The following NRXN3 variants were observed in gnomAD, a reference collection of about 807,000 sequenced individuals.
NRXN3 encodes the protein neurexin 3.
Under a neutral mutation model 137.6 loss-of-function variants are expected in NRXN3, and 32 were observed. The observed-to-expected ratio is 0.23, with a 90% CI of 0.18 to 0.31. The LOEUF is 0.31. Ranked by LOEUF, NRXN3 falls within the 10% of genes least tolerant of loss-of-function variation. The pLI is 1.00. For synonymous variants in NRXN3, 798 were observed against 784.5 expected (o/e 1.02, Z -0.29); for missense variants, 1,574 against 2,062.5 (o/e 0.76, Z 4.59).
At chr14:78,307,635 A>T (rs2077504859) in intron 4 of NRXN3, among the ~76,000 whole-genome samples, 1 of 152,122 alleles carries the variant, frequency 6.6e-6, no homozygotes, top group African/African-American at 2.4e-5. Flanking sequence ...TAAGGCATTT[A>T]GTGGTAAGCA....
chr14:78,370,801 T>G (rs952374031), intron 4 of NRXN3, among the ~76,000 whole-genome samples: 11 of 152,224 alleles, frequency 7.2e-5, no homozygotes, highest in African/African-American at 2.7e-4. Flanking sequence ...AAGATTGAAC[T>G]TCACTGTAAG....
intron 10 of NRXN3, among the ~76,000 whole-genome samples, chr14:78,852,624 A>C (rs143602324): frequency 6.6e-6 from 1 of 152,106 alleles, no homozygotes; most frequent in Non-Finnish European, 1.5e-5. Flanking sequence ...CTTTGTTAGA[A>C]TTTCTGGTTA....
At chr14:78,281,191 C>T (rs1006979689) in intron 3 of NRXN3, among the ~76,000 whole-genome samples, 3 of 152,262 alleles carry the variant, frequency 2.0e-5, no homozygotes, top group Non-Finnish European at 2.9e-5. Context: ...TGAGCGTGCC[C>T]GGCCCTGGCT....
In NRXN3 at chr14:78,664,397, C is replaced by T. The variant is rs1017423428; in HGVS notation, c.1221+13071C>T. Among the ~76,000 whole-genome samples, 8 of 152,260 alleles carry T rather than the reference C, an allele frequency of 5.3e-5. No homozygotes were observed. The East Asian group carries it at 1.4e-3, about 26-fold the overall frequency. On this transcript the variant is annotated intron_variant, in intron 6 of 20. Coordinates refer to ENST00000335750, the MANE Select transcript of NRXN3 (RefSeq NM_001330195.2). ...TTCCCTCTCTTAATCTTCGATCTCC[C>T]ATTCTCCTCTGCTCCATCCCTTCAG...
At chr14:78,210,624 A>G (rs2062649323) in intron 1 of NRXN3, among the ~76,000 whole-genome samples, 1 of 151,728 alleles carries the variant, frequency 6.6e-6, no homozygotes, top group Non-Finnish European at 1.5e-5. Context: ...AAGATAGAGA[A>G]CATTTCCATC....
In NRXN3 at chr14:78,258,438, G is replaced by A. The variant is rs1031518833; in HGVS notation, c.709+14636G>A. Among the ~76,000 whole-genome samples the A allele has an allele frequency of 2.0e-5, 3 of 151,358 alleles. 1 individual carries two copies. Among genetic ancestry groups the A allele is most frequent in the Admixed American group, 2.0e-4 (3 of 15,162 alleles). On this transcript the variant is annotated intron_variant, in intron 2 of 20. Transcript: ENST00000335750. ...GGTGGGGGCAATGGTTGGCATTGGCGGGGGGAGGATGGGGGCTGCCACAAG... is the reference window on the plus strand; with the variant it reads ...GGTGGGGGCAATGGTTGGCATTGGCAGGGGGAGGATGGGGGCTGCCACAAG...
intron 4 of NRXN3, among the ~76,000 whole-genome samples, chr14:78,583,811 A>C (rs1000204699): frequency 1.3e-5 from 2 of 152,198 alleles, no homozygotes; most frequent in Non-Finnish European, 2.9e-5. Context: ...TCTCTAGGAC[A>C]GTATTTTCTG....
chr14:78,958,758 A>T (rs1397988239), intron 11 of NRXN3, among the ~76,000 whole-genome samples: 1 of 152,220 alleles, frequency 6.6e-6, no homozygotes, highest in African/African-American at 2.4e-5. Flanking sequence ...TTGGGGCAGC[A>T]TGGGGTATTA....
At chr14:79,385,972 C>T (rs1235563065) in intron 15 of NRXN3, among the ~76,000 whole-genome samples, 1 of 152,128 alleles carries the variant, frequency 6.6e-6, no homozygotes, top group Non-Finnish European at 1.5e-5. Context: ...TAAGAGCTAT[C>T]TATGGCAAAC....
intron 15 of NRXN3, among the ~76,000 whole-genome samples, chr14:79,307,313 A>G (rs2086260288): frequency 6.6e-6 from 1 of 152,154 alleles, no homozygotes; most frequent in African/African-American, 2.4e-5. Flanking sequence ...GGTTTTAACC[A>G]TCATATTCTA....
intron 15 of NRXN3, among the ~76,000 whole-genome samples, chr14:79,182,323 T>A (rs201685254): frequency 0.015 from 2 of 130 alleles, no homozygotes; most frequent in Non-Finnish European, 0.037. Context: ...ATACTGTAAT[T>A]ATATAATGAA....
chr14:79,762,903 G>C (rs931837565), intron 19 of NRXN3, among the ~76,000 whole-genome samples: 1 of 151,490 alleles, frequency 6.6e-6, no homozygotes, highest in African/African-American at 2.4e-5. Flanking sequence ...AGTCCTGGGG[G>C]ACATGTGCAG....
intron 10 of NRXN3, among the ~76,000 whole-genome samples, chr14:78,951,171 GT>G: frequency 6.6e-6 from 1 of 152,096 alleles, no homozygotes; most frequent in East Asian, 1.9e-4. Flanking sequence ...AATAGATCTT[GT>G]TTCCATTATT....
chr14:78,528,986 T>C (rs1201414376), intron 4 of NRXN3, among the ~76,000 whole-genome samples: 1 of 152,166 alleles, frequency 6.6e-6, no homozygotes, highest in African/African-American at 2.4e-5. Flanking sequence ...AGCCCCTTAT[T>C]TTTCACATGA....
At chr14:79,141,048 G>T (rs969065603) in intron 15 of NRXN3, among the ~76,000 whole-genome samples, 5 of 152,182 alleles carry the variant, frequency 3.3e-5, no homozygotes, top group African/African-American at 1.2e-4. Flanking sequence ...AGAAAAATTA[G>T]CAAACTGATA....
chr14:79,233,535 A>G (rs1308479554), intron 15 of NRXN3, among the ~76,000 whole-genome samples: 3 of 152,290 alleles, frequency 2.0e-5, no homozygotes, highest in South Asian at 4.1e-4. Flanking sequence ...CTAAGAGCCT[A>G]TAATGAACTC....
chr14:78,468,211 G>T (rs79339506), intron 4 of NRXN3, among the ~76,000 whole-genome samples: 2,293 of 152,222 alleles, frequency 0.015, 57 homozygotes, highest in African/African-American at 0.053. Flanking sequence ...CTATTGCTGT[G>T]TCATAAAGCA....
At chr14:79,070,016 G>A (rs12896260) in intron 15 of NRXN3, among the ~76,000 whole-genome samples, 1 of 152,158 alleles carries the variant, frequency 6.6e-6, no homozygotes, top group African/African-American at 2.4e-5. Flanking sequence ...ATCTCTACCT[G>A]TTTTCTTTGT....
At chr14:79,492,864 A>T (rs2096730446) in intron 16 of NRXN3, among the ~76,000 whole-genome samples, 1 of 152,212 alleles carries the variant, frequency 6.6e-6, no homozygotes, top group Non-Finnish European at 1.5e-5. Flanking sequence ...TGATCTACTC[A>T]AGCATCTCAC....
Sources: allele counts gnomAD v4.1 joint callset (sites outside exome capture counted in the v4.1 genomes callset), GRCh38; gene constraint gnomAD v4.1.1; transcripts MANE v1.5; gene names NCBI Gene and HGNC (gene_info 2026-07-23, HGNC 2026-07-21).